The following ELMOD1 variants were observed in gnomAD, a reference collection of about 807,000 sequenced individuals.
The protein encoded by ELMOD1 is ELMO domain-containing protein 1.
Under a neutral mutation model 46.7 loss-of-function variants are expected in ELMOD1, and 21 were observed. The ratio of observed to expected loss-of-function variants is 0.45; its 90% CI spans 0.32 to 0.65. ELMOD1 has a LOEUF of 0.65. Ranked by LOEUF, ELMOD1 falls within the 30% of genes least tolerant of loss-of-function variation. The pLI, the probability that ELMOD1 is intolerant of heterozygous loss-of-function variation, is 0.04. For missense variants in ELMOD1, 348 were observed against 407.8 expected (o/e 0.85, Z 1.26); for synonymous variants, 122 against 138.2 (o/e 0.88, Z 0.82).
At chr11:107,606,727 C>T (rs1160293564) in intron 1 of ELMOD1, among the ~76,000 whole-genome samples, 1 of 151,754 alleles carries the variant, frequency 6.6e-6, no homozygotes, top group Non-Finnish European at 1.5e-5. Context: ...CCCAGCTACT[C>T]GGGAGGCTGA....
chr11:107,633,379 T>A (rs1866174119), intron 5 of ELMOD1, among the ~76,000 whole-genome samples: 1 of 152,228 alleles, frequency 6.6e-6, no homozygotes. Context: ...TTACATTTTT[T>A]AAGTGCTGCT....
chr11:107,596,408 G>A (rs1319755016), intron 1 of ELMOD1, among the ~76,000 whole-genome samples: 1 of 152,004 alleles, frequency 6.6e-6, no homozygotes, highest in Non-Finnish European at 1.5e-5. Context: ...TGAATTTACT[G>A]TACATTTCTT....
intron 1 of ELMOD1, among the ~76,000 whole-genome samples, chr11:107,594,007 CTGCT>C (rs1268884093): frequency 6.6e-6 from 1 of 152,142 alleles, no homozygotes; most frequent in African/African-American, 2.4e-5. Flanking sequence ...TTGGGTATCT[CTGCT>C]TGCTAGGCTT....
chr11:107,645,227 G>A (rs1195903862), intron 6 of ELMOD1, among the ~76,000 whole-genome samples: 1 of 151,540 alleles, frequency 6.6e-6, no homozygotes, highest in African/African-American at 2.4e-5. Flanking sequence ...GTGAGCCACC[G>A]TGCCCGGCCC....
chr11:107,606,100 A>G (rs1865681122), intron 1 of ELMOD1, among the ~76,000 whole-genome samples: 1 of 152,054 alleles, frequency 6.6e-6, no homozygotes, highest in East Asian at 1.9e-4. Context: ...TGTTTCATGT[A>G]GTAGAGTCTT....
At chr11:107,603,797 G>A (rs1312996736) in intron 1 of ELMOD1, among the ~76,000 whole-genome samples, 1 of 150,004 alleles carries the variant, frequency 6.7e-6, no homozygotes, top group African/African-American at 2.5e-5. Context: ...AGAATTGCTT[G>A]AACCTGGGAG....
intron 6 of ELMOD1, among the ~76,000 whole-genome samples, chr11:107,646,371 C>T (rs1416294984): frequency 6.6e-6 from 1 of 152,138 alleles, no homozygotes; most frequent in Non-Finnish European, 1.5e-5. Flanking sequence ...TATTCATGAA[C>T]ATTACTGATA....
At chr11:107,662,920 G>C (rs1866768608) in intron 11 of ELMOD1, among the ~76,000 whole-genome samples, 1 of 151,866 alleles carries the variant, frequency 6.6e-6, no homozygotes, top group African/African-American at 2.4e-5. Flanking sequence ...GTAGAAACGG[G>C]GTCTTCCTGT....
intron 2 of ELMOD1, among the ~76,000 whole-genome samples, chr11:107,622,801 G>A (rs1306680773): frequency 6.6e-6 from 1 of 152,134 alleles, no homozygotes; most frequent in African/African-American, 2.4e-5. Context: ...CTGAAAAAGG[G>A]AAAGTTTATG....
chr11:107,624,042 A>AT (rs994960192), intron 2 of ELMOD1, among the ~76,000 whole-genome samples: 1 of 152,036 alleles, frequency 6.6e-6, no homozygotes, highest in South Asian at 2.1e-4. Flanking sequence ...GGTTGTTTAA[A>AT]TTTTTTTTGA....
chr11:107,650,531 G>A (rs1220721431), intron 8 of ELMOD1, 128 bp downstream of exon 8: 10 of 730,630 alleles, frequency 1.4e-5, no homozygotes, highest in Non-Finnish European at 2.1e-5. Context: ...ACAAGCCCTT[G>A]TAATAAATGC....
chr11:107,621,810 T>C (rs1865954403), intron 2 of ELMOD1, among the ~76,000 whole-genome samples: 1 of 120,378 alleles, frequency 8.3e-6, no homozygotes, highest in Non-Finnish European at 2.0e-5. Flanking sequence ...GTGGATCACC[T>C]GAGGTCAGGA....
At chr11:107,612,631 A>T (rs1190457217) in intron 1 of ELMOD1, among the ~76,000 whole-genome samples, 2 of 152,232 alleles carry the variant, frequency 1.3e-5, no homozygotes, top group East Asian at 3.8e-4. Context: ...AGTACCACTC[A>T]TGGAAAAATA....
At position 107,650,343 on chromosome 11, in the gene ELMOD1, C is replaced by A; in HGVS notation, c.563C>A (p.Ala188Glu). Residue 188 changes from alanine to glutamate, a missense_variant, in exon 8 of 12, where the codon GCG becomes GAG. Coordinates refer to ENST00000265840, the MANE Select transcript of ELMOD1 (RefSeq NM_018712.4). ...LLGLYNLQYF[A>E]ERDATAAQQV... is the part of the protein sequence containing the mutation. ...TTTCCCTCCCGCTGCAGGTATTTCG[C>A]GGAAAGGGATGCCACAGCAGCTCAG... 1 of 1,584,412 alleles carries A rather than the reference C, an allele frequency of 6.3e-7. No homozygotes were observed. The highest frequency in any genetic ancestry group is 8.6e-7 in the Non-Finnish European group (1 of 1,163,664).
rs559250418 is a variant in ELMOD1, at chr11:107,648,339, G to A, written c.554+738G>A. ...TGTCCTGTAATATGTCCCATGGTCTGGATTTGTCTGTTTGCACTTGTATCC... is the reference window on the plus strand; with the variant it reads ...TGTCCTGTAATATGTCCCATGGTCTAGATTTGTCTGTTTGCACTTGTATCC... On this transcript the variant is annotated intron_variant, in intron 7 of 11. Transcript: ENST00000265840. 5.9e-5 allele frequency among the ~76,000 whole-genome samples: 9 copies of A among 152,280 alleles called. 1 individual carries two copies. The South Asian group carries it at 1.9e-3, about 32-fold the overall frequency.
intron 6 of ELMOD1, among the ~76,000 whole-genome samples, chr11:107,638,106 C>A (rs4754240): frequency 3.3e-5 from 5 of 151,876 alleles, no homozygotes; most frequent in African/African-American, 1.2e-4. Flanking sequence ...CCATACCATA[C>A]GCCCAGGAAT....
At chr11:107,657,995 A>G (rs1279269733) in intron 11 of ELMOD1, among the ~76,000 whole-genome samples, 1 of 152,240 alleles carries the variant, frequency 6.6e-6, no homozygotes, top group African/African-American at 2.4e-5. Context: ...CAAATAAACA[A>G]AAGAAGGCAG....
At chr11:107,617,631 T>G (rs1865884477) in intron 1 of ELMOD1, among the ~76,000 whole-genome samples, 1 of 152,232 alleles carries the variant, frequency 6.6e-6, no homozygotes, top group Non-Finnish European at 1.5e-5. Context: ...GCGCTTTAAG[T>G]GATTCTTGAG....
At chr11:107,649,460 A>G (rs1866487782) in intron 7 of ELMOD1, among the ~76,000 whole-genome samples, 1 of 152,232 alleles carries the variant, frequency 6.6e-6, no homozygotes, top group Non-Finnish European at 1.5e-5. Context: ...TATGTTCAGT[A>G]TATTATTCTC....
Sources: gnomAD v4.1 joint callset for allele counts (sites outside exome capture counted in the v4.1 genomes callset) on GRCh38, gnomAD v4.1.1 for gene constraint, MANE v1.5 for transcripts, NCBI Gene and HGNC (gene_info 2026-07-23, HGNC 2026-07-21) for gene names.